Variants in PUS10 observed in about 807,000 individuals in gnomAD.
PUS10 encodes tRNA pseudouridine synthase Pus10.
Under a neutral mutation model 75.0 loss-of-function variants are expected in PUS10, and 59 were observed. The ratio of observed to expected loss-of-function variants is 0.79; its 90% CI spans 0.64 to 0.98. The LOEUF (loss-of-function observed/expected upper bound fraction) is 0.98, where lower values mean the gene tolerates loss of function less well. PUS10 is among the 50% of genes least tolerant of loss of function. The pLI is 0.00. For synonymous variants in PUS10, 219 were observed against 211.6 expected (o/e 1.03, Z -0.30); for missense variants, 650 against 614.4 (o/e 1.06, Z -0.61).
intron 4 of PUS10, among the ~76,000 whole-genome samples, chr2:60,972,389 GA>G (rs1454664204): frequency 6.6e-6 from 1 of 151,688 alleles, no homozygotes; most frequent in Admixed American, 6.6e-5. Context: ...ATAATGGCGT[GA>G]ACCCGGGAGG....
At chr2:61,014,087 C>T (rs899595899) in intron 1 of PUS10, among the ~76,000 whole-genome samples, 1 of 149,476 alleles carries the variant, frequency 6.7e-6, no homozygotes, top group South Asian at 2.1e-4. Context: ...AAACCTCCAA[C>T]AAAAGGTCAG....
chr2:60,968,859 C>A (rs1204129242), intron 5 of PUS10, among the ~76,000 whole-genome samples: 1 of 152,100 alleles, frequency 6.6e-6, no homozygotes. Flanking sequence ...AGAACTTATT[C>A]AAATACTGTG....
At chr2:61,008,616 T>C in intron 3 of PUS10, 145 bp downstream of exon 3, 1 of 636,616 alleles carries the variant, frequency 1.6e-6, no homozygotes, top group South Asian at 2.3e-5. Flanking sequence ...GCTGTGATTG[T>C]ACCACTGCAC....
chr2:60,975,272 G>A lies in PUS10; in HGVS notation c.469-3715C>T, dbSNP rs539522425. Among the ~76,000 whole-genome samples, 8 of 151,968 alleles carry A rather than the reference G, an allele frequency of 5.3e-5. No homozygotes were observed. The East Asian group carries it at 1.4e-3, about 26-fold the overall frequency. On this transcript the variant is annotated intron_variant, in intron 4 of 17. Coordinates refer to ENST00000316752, the MANE Select transcript of PUS10 (RefSeq NM_144709.4). ...AGCAATCCTCCTGCCTCTGCCTCCC[G>A]AGTAGCTGGGACTACAGGTGCACGC...
chr2:60,962,525 G>C (rs1676090317), intron 9 of PUS10, among the ~76,000 whole-genome samples: 1 of 152,002 alleles, frequency 6.6e-6, no homozygotes, highest in Admixed American at 6.6e-5. Context: ...AGTGAGCCGA[G>C]ACTGCTCCAC....
At chr2:60,974,623 G>T (rs1483125898) in intron 4 of PUS10, among the ~76,000 whole-genome samples, 2 of 152,186 alleles carry the variant, frequency 1.3e-5, no homozygotes, top group Non-Finnish European at 2.9e-5. Flanking sequence ...CCTCTTTAGG[G>T]CTCTGCGGTT....
intron 4 of PUS10, among the ~76,000 whole-genome samples, chr2:61,004,650 A>AAG (rs1679086417): frequency 6.6e-6 from 1 of 151,002 alleles, no homozygotes; most frequent in Non-Finnish European, 1.5e-5. Flanking sequence ...AAAAAAAAAA[A>AAG]AGAGAAAGTA....
chr2:60,971,584 A>G (rs1676666651), intron 4 of PUS10, 27 bp from the exon 5 acceptor site: 2 of 1,609,146 alleles, frequency 1.2e-6, no homozygotes, highest in Non-Finnish European at 1.7e-6. Context: ...CACACCCAGA[A>G]AGAGAAAAGG....
chr2:60,945,037 G>T lies in PUS10; in HGVS notation c.1523C>A (p.Thr508Asn). The change falls in exon 17 of 18, where the codon ACT (threonine) becomes AAT (asparagine). Residue 508 changes from threonine to asparagine, a missense_variant. By Grantham distance (65) the Thr-to-Asn change is moderately conservative (BLOSUM62 0). Transcript: ENST00000316752. ...KPNIGSLMNV[T>N]ADILELDVES... The stretch of plus-strand genomic sequence containing the variant: ...AACATCCAGCTCCAGAATGTCTGCA[G>T]TCACATTCATCAGGGACCCAATGTT... The T allele has an allele frequency of 6.2e-7, 1 of 1,613,702 alleles. No individual in the cohort carries two copies. The highest frequency in any genetic ancestry group is 8.5e-7 in the Non-Finnish European group (1 of 1,179,586).
chr2:60,961,433 T>C, intron 10 of PUS10, 30 bp downstream of exon 10: 1 of 1,512,628 alleles, frequency 6.6e-7, no homozygotes, highest in Non-Finnish European at 9.2e-7. Flanking sequence ...ACGTTCACAG[T>C]GTATGTATAT....
chr2:60,962,712 C>G, intron 9 of PUS10, 114 bp downstream of exon 9: 1 of 1,438,296 alleles, frequency 7.0e-7, no homozygotes, highest in Admixed American at 3.0e-5. Flanking sequence ...GACTAAGACA[C>G]AATCCTGGCC....
chr2:60,952,315 C>T (rs1485365827), intron 15 of PUS10, among the ~76,000 whole-genome samples: 1 of 112,408 alleles, frequency 8.9e-6, no homozygotes, highest in Non-Finnish European at 1.7e-5. Context: ...GCCTGGGCGA[C>T]AAGAGCAAGA....
In PUS10 at chr2:61,006,579, G is replaced by C; in HGVS notation, c.446C>G (p.Pro149Arg). Reference sequence around the variant, plus strand: ...TACCTCTCTTACAGATAGTTGTGGTGGGAAGGAGACTGAAAATACCAAGCT... The same window carrying C: ...TACCTCTCTTACAGATAGTTGTGGTCGGAAGGAGACTGAAAATACCAAGCT... The part of the protein sequence containing the change: ...FTSLVFSVSF[P>R]PQLSVREHAA... The change falls in exon 4 of 18, where the codon CCA (proline) becomes CGA (arginine). Residue 149 changes from proline to arginine, a missense_variant. Coordinates refer to ENST00000316752, the MANE Select transcript of PUS10 (RefSeq NM_144709.4). 6.2e-7 allele frequency: 1 copy of C among 1,613,194 alleles called. No homozygotes were observed. Among genetic ancestry groups the C allele is most frequent in the East Asian group, 2.2e-5 (1 of 44,810 alleles).
chr2:60,972,099 C>T (rs1397128941), intron 4 of PUS10, among the ~76,000 whole-genome samples: 2 of 147,334 alleles, frequency 1.4e-5, no homozygotes, highest in Non-Finnish European at 3.0e-5. Context: ...GAACTCCTGA[C>T]ATCAAGTGAT....
At chr2:60,996,589 T>C (rs1252913415) in intron 4 of PUS10, among the ~76,000 whole-genome samples, 4 of 150,942 alleles carry the variant, frequency 2.7e-5, no homozygotes, top group Non-Finnish European at 5.9e-5. Flanking sequence ...GTAGAGATGG[T>C]ATGGTTTAAA....
At chr2:60,950,551 G>A (rs189118802) in intron 15 of PUS10, among the ~76,000 whole-genome samples, 1 of 152,176 alleles carries the variant, frequency 6.6e-6, no homozygotes, top group African/African-American at 2.4e-5. Flanking sequence ...CCAAGTAGCT[G>A]GGACTACAGG....
At chr2:60,995,499 C>A (rs943385530) in intron 4 of PUS10, among the ~76,000 whole-genome samples, 1 of 152,024 alleles carries the variant, frequency 6.6e-6, no homozygotes, top group Non-Finnish European at 1.5e-5. Context: ...GTGGTGGTAT[C>A]AGAAAAAAGG....
intron 2 of PUS10, 130 bp downstream of exon 2, chr2:61,011,635 T>A (rs1679601926): frequency 1.5e-6 from 1 of 645,652 alleles, no homozygotes; most frequent in Non-Finnish European, 2.4e-6. Context: ...ATATCACTCA[T>A]TTTATTATAG....
intron 16 of PUS10, 32 bp downstream of exon 16, chr2:60,948,011 C>T (rs1293248992): frequency 1.9e-6 from 3 of 1,612,960 alleles, no homozygotes; most frequent in Non-Finnish European, 2.5e-6. Context: ...AGTTCTGGTT[C>T]GATGGCGGCA....
Sources: gnomAD v4.1 joint callset for allele counts (sites outside exome capture counted in the v4.1 genomes callset) on GRCh38, gnomAD v4.1.1 for gene constraint, MANE v1.5 for transcripts, NCBI Gene and HGNC (gene_info 2026-07-23, HGNC 2026-07-21) for gene names.